Variants in TBL1XR1 observed in about 807,000 individuals in gnomAD.
TBL1XR1 encodes the protein F-box-like/WD repeat-containing protein TBL1XR1.
In TBL1XR1, 5 loss-of-function variants were observed where a neutral mutation model predicts 66.9. That is an observed-to-expected ratio of 0.07 (90% CI 0.04 to 0.16). The LOEUF (loss-of-function observed/expected upper bound fraction) is 0.16. Among genes scored for constraint, TBL1XR1 ranks in the 10% least tolerant of loss-of-function variants. The pLI is 1.00. For synonymous variants in TBL1XR1, 210 were observed against 206.0 expected (o/e 1.02, Z -0.17); for missense variants, 238 against 623.2 (o/e 0.38, Z 6.58).
At chr3:177,191,753 C>A (rs768639330) in intron 1 of TBL1XR1, among the ~76,000 whole-genome samples, 5 of 152,186 alleles carry the variant, frequency 3.3e-5, no homozygotes, top group Non-Finnish European at 5.9e-5. Context: ...ATCACTACAG[C>A]CTAAAAGGCA....
chr3:177,135,529 G>A (rs1365439995), intron 1 of TBL1XR1, among the ~76,000 whole-genome samples: 1 of 150,518 alleles, frequency 6.6e-6, no homozygotes, highest in Non-Finnish European at 1.5e-5. Context: ...GACTACAGGC[G>A]CCCGCCACCA....
At chr3:177,138,874 G>A (rs1729302075) in intron 1 of TBL1XR1, among the ~76,000 whole-genome samples, 1 of 152,152 alleles carries the variant, frequency 6.6e-6, no homozygotes, top group Admixed American at 6.5e-5. Flanking sequence ...TGTGCCTGCT[G>A]ACTCCTCACC....
chr3:177,077,567 A>G (rs898633710), intron 2 of TBL1XR1, among the ~76,000 whole-genome samples: 2 of 152,188 alleles, frequency 1.3e-5, no homozygotes, highest in African/African-American at 4.8e-5. Flanking sequence ...CGACAGCCTA[A>G]GAGTCTCCTA....
intron 1 of TBL1XR1, among the ~76,000 whole-genome samples, chr3:177,189,098 C>T (rs1418540552): frequency 1.3e-5 from 2 of 151,946 alleles, no homozygotes; most frequent in Admixed American, 6.6e-5. Flanking sequence ...GTCCCAGCTA[C>T]TCAGGAGGCT....
intron 1 of TBL1XR1, among the ~76,000 whole-genome samples, chr3:177,172,269 A>AAAT: frequency 6.6e-6 from 1 of 151,806 alleles, no homozygotes; most frequent in East Asian, 1.9e-4. Context: ...CTCAAAAAAA[A>AAAT]AAAAAAAAAA....
chr3:177,188,012 C>T (rs948694967), intron 1 of TBL1XR1, among the ~76,000 whole-genome samples: 16 of 140,122 alleles, frequency 1.1e-4, no homozygotes, highest in Admixed American at 5.2e-4. Context: ...TACAGTGGCA[C>T]GATCTCAGCT....
chr3:177,163,217 A>T lies in TBL1XR1; in HGVS notation c.-122+33904T>A, dbSNP rs527946584. ...AATGTCTTGCAGCCATTTAAAAGAA[A>T]AAAAAGAGGCCGGGCGTGGTGGCTC... On this transcript the variant is annotated intron_variant, in intron 1 of 15. Transcript: ENST00000457928. Among the ~76,000 whole-genome samples, 4 of 152,172 alleles carry T rather than the reference A, an allele frequency of 2.6e-5. No individual in the cohort carries two copies. The South Asian group carries it at 8.3e-4, about 32-fold the overall frequency.
chr3:177,098,083 C>G (rs1454403062), intron 2 of TBL1XR1, among the ~76,000 whole-genome samples: 7 of 152,074 alleles, frequency 4.6e-5, no homozygotes, highest in Non-Finnish European at 1.0e-4. Flanking sequence ...GTGGCGCATG[C>G]CTGTAATCCC....
At chr3:177,068,736 A>C (rs1199636018) in intron 2 of TBL1XR1, among the ~76,000 whole-genome samples, 4 of 152,150 alleles carry the variant, frequency 2.6e-5, no homozygotes, top group Non-Finnish European at 5.9e-5. Flanking sequence ...TCTTGAAGCC[A>C]GGGCCCAACT....
chr3:177,105,454 TACA>T (rs1724765254), intron 1 of TBL1XR1, among the ~76,000 whole-genome samples: 2 of 152,178 alleles, frequency 1.3e-5, no homozygotes, highest in Non-Finnish European at 2.9e-5. Flanking sequence ...CACAGGTGGG[TACA>T]CTGGCACTTA....
In TBL1XR1 at chr3:177,047,559, A is replaced by G. The variant is rs751277710; in HGVS notation, c.703-10T>C. Reference sequence around the variant, plus strand: ...GAAGTGTACCTTCACTCTGCCAGAGAAAAACATTTCTTTAATTATATAATC... The same window carrying G: ...GAAGTGTACCTTCACTCTGCCAGAGGAAAACATTTCTTTAATTATATAATC... On this transcript the variant is annotated splice_polypyrimidine_tract_variant and intron_variant, in intron 7 of 15. Coordinates refer to ENST00000457928, the MANE Select transcript of TBL1XR1 (RefSeq NM_024665.7). The G allele has an allele frequency of 2.5e-6, 4 of 1,611,460 alleles. No homozygotes were observed. The South Asian group carries it at 4.4e-5, about 18-fold the overall frequency.
chr3:177,072,240 T>C (rs1238920597), intron 2 of TBL1XR1, among the ~76,000 whole-genome samples: 3 of 152,222 alleles, frequency 2.0e-5, no homozygotes, highest in African/African-American at 4.8e-5. Context: ...TTATTTAGCA[T>C]AGTAATTGGG....
At chr3:177,189,664 A>AATTAAAATTTC (rs57549428) in intron 1 of TBL1XR1, among the ~76,000 whole-genome samples, 1 of 141,928 alleles carries the variant, frequency 7.0e-6, no homozygotes. Flanking sequence ...AAAAAAAAAA[A>AATTAAAATTTC]AGAAGGATGT....
intron 12 of TBL1XR1, among the ~76,000 whole-genome samples, chr3:177,034,608 C>T (rs907411033): frequency 9.9e-5 from 15 of 152,002 alleles, no homozygotes; most frequent in South Asian, 2.1e-4. Context: ...AGTTAACGAT[C>T]CTAAAATGTT....
chr3:177,035,207 T>C (rs1714599995), intron 12 of TBL1XR1, among the ~76,000 whole-genome samples: 1 of 152,186 alleles, frequency 6.6e-6, no homozygotes, highest in South Asian at 2.1e-4. Flanking sequence ...TAGAATTTGA[T>C]ACTGTTGGCC....
chr3:177,100,995 A>T (rs1724136533), intron 1 of TBL1XR1, among the ~76,000 whole-genome samples: 1 of 151,976 alleles, frequency 6.6e-6, no homozygotes, highest in Non-Finnish European at 1.5e-5. Flanking sequence ...AACTGGGACT[A>T]CCGGCACGCG....
intron 1 of TBL1XR1, among the ~76,000 whole-genome samples, chr3:177,109,002 T>G (rs1577192533): frequency 6.6e-6 from 1 of 152,304 alleles, no homozygotes; most frequent in East Asian, 1.9e-4. Flanking sequence ...GATAAGGATA[T>G]CTGGATACCA....
At chr3:177,031,762 T>C (rs1714038172) in intron 14 of TBL1XR1, among the ~76,000 whole-genome samples, 1 of 150,478 alleles carries the variant, frequency 6.6e-6, no homozygotes, top group South Asian at 2.1e-4. Context: ...CCCGTTTCTA[T>C]TTAAAGAAAA....
chr3:177,143,354 A>G (rs903147510), intron 1 of TBL1XR1, among the ~76,000 whole-genome samples: 1 of 152,090 alleles, frequency 6.6e-6, no homozygotes, highest in African/African-American at 2.4e-5. Context: ...ACTACAGTGA[A>G]TGACAAAAAT....
Sources: gnomAD v4.1 joint callset for allele counts (sites outside exome capture counted in the v4.1 genomes callset) on GRCh38, gnomAD v4.1.1 for gene constraint, MANE v1.5 for transcripts, NCBI Gene and HGNC (gene_info 2026-07-23, HGNC 2026-07-21) for gene names.